Variants in LIMCH1 observed in about 807,000 individuals in gnomAD.
LIMCH1 encodes LIM and calponin homology domains 1.
LIMCH1 carries 113 observed loss-of-function variants against 176.5 expected under a neutral mutation model. The observed-to-expected ratio is 0.64, with a 90% confidence interval of 0.55 to 0.75. LIMCH1 has a LOEUF of 0.75. Ranked by LOEUF, LIMCH1 falls within the 30% of genes least tolerant of loss-of-function variation. The pLI is 0.00. For synonymous variants in LIMCH1, 619 were observed against 645.9 expected (o/e 0.96, Z 0.63); for missense variants, 1,674 against 1,814.9 (o/e 0.92, Z 1.41).
At chr4:41,408,991 C>G (rs1036744823) in intron 1 of LIMCH1, among the ~76,000 whole-genome samples, 3 of 152,162 alleles carry the variant, frequency 2.0e-5, no homozygotes, top group African/African-American at 4.8e-5. Flanking sequence ...TTATTTGCAG[C>G]TATATCCTGA....
At chr4:41,362,975 C>T (rs993037432) in intron 1 of LIMCH1, among the ~76,000 whole-genome samples, 1 of 152,136 alleles carries the variant, frequency 6.6e-6, no homozygotes, top group African/African-American at 2.4e-5. Flanking sequence ...GCTTTAGGAC[C>T]AGGCAGCCCA....
intron 1 of LIMCH1, among the ~76,000 whole-genome samples, chr4:41,371,612 T>G (rs1164447481): frequency 6.7e-6 from 1 of 149,336 alleles, no homozygotes; most frequent in Non-Finnish European, 1.5e-5. Flanking sequence ...GGTATTCTGT[T>G]TAGTCTTTGT....
At position 41,671,058 on chromosome 4, in the gene LIMCH1, T is replaced by TAAAA. The variant is rs76648075; in HGVS notation, c.3398-484_3398-481dup. The TAAAA allele has an allele frequency of 1.2e-3, 755 of 611,952 alleles. 1 individual carries two copies. Among genetic ancestry groups the TAAAA allele is most frequent in the South Asian group, 2.2e-3 (30 of 13,336 alleles). 37.9% of individuals were successfully genotyped at this position (611,952 alleles called of 1,614,324 possible). ...CATTTTCTTGAGAGTCCCCTGCCTT[T>TAAAA]AAAAAAAAAAAAAAAGATTAAAAGC... On this transcript the variant is annotated intron_variant, in intron 21 of 31. Transcript: ENST00000503057.
chr4:41,641,983 T>C (rs1272056648), intron 14 of LIMCH1, among the ~76,000 whole-genome samples: 1 of 152,178 alleles, frequency 6.6e-6, no homozygotes, highest in Non-Finnish European at 1.5e-5. Flanking sequence ...AGGTAATTCT[T>C]AAGGTCTGCT....
At chr4:41,643,859 T>C (rs941776944) in intron 14 of LIMCH1, among the ~76,000 whole-genome samples, 1 of 152,122 alleles carries the variant, frequency 6.6e-6, no homozygotes, top group Non-Finnish European at 1.5e-5. Context: ...TTACAAGAAA[T>C]AAAAAGAAAT....
At chr4:41,581,805 C>CAAAAAAAA (rs56150312) in intron 1 of LIMCH1, among the ~76,000 whole-genome samples, 18 of 76,176 alleles carry the variant, frequency 2.4e-4, no homozygotes, top group Admixed American at 7.1e-4. Flanking sequence ...GACTCTGTCT[C>CAAAAAAAA]AAAAAAAAAA....
intron 1 of LIMCH1, among the ~76,000 whole-genome samples, chr4:41,423,825 G>A (rs1293744668): frequency 1.3e-5 from 2 of 152,152 alleles, no homozygotes; most frequent in South Asian, 2.1e-4. Flanking sequence ...GGGAAAGTAA[G>A]TGTTTAATAT....
At chr4:41,687,540 G>A (rs775269789) in intron 28 of LIMCH1, among the ~76,000 whole-genome samples, 5 of 151,956 alleles carry the variant, frequency 3.3e-5, no homozygotes, top group East Asian at 1.9e-4. Flanking sequence ...CAATTTTAGC[G>A]AATGAAGAAA....
intron 8 of LIMCH1, 85 bp from the exon 9 acceptor site, chr4:41,629,407 T>G: frequency 2.1e-6 from 3 of 1,456,344 alleles, no homozygotes; most frequent in Middle Eastern, 3.5e-4. Flanking sequence ...GCCTGTGAGT[T>G]TCCATGCTTG....
chr4:41,409,168 G>C (rs78089582), intron 1 of LIMCH1, among the ~76,000 whole-genome samples: 2,883 of 152,162 alleles, frequency 0.019, 91 homozygotes, highest in African/African-American at 0.065. Context: ...CTGAAGTGTT[G>C]CCAGGGCTTG....
Position 41,632,983 on chromosome 4 carries a change from C to T in LIMCH1, c.1727C>T (p.Ser576Phe). The T allele has an allele frequency of 6.5e-7, 1 of 1,535,912 alleles. No individual in the cohort carries two copies. The highest frequency in any genetic ancestry group is 8.7e-7 in the Non-Finnish European group (1 of 1,146,738). Residue 576 changes from serine (S) to phenylalanine (F), a missense_variant, in exon 12 of 32, where the codon TCC (serine) becomes TTC (phenylalanine). Physicochemically the swap from Ser to Phe is radical, Grantham distance 155. This residue lies in a region of LIMCH1 where 1,015 missense variants were observed against 1,102.5 expected (regional missense o/e 0.92). Transcript: ENST00000503057. Reference sequence around the variant, plus strand: ...CTGTCCTCTCTGGCTTTAGTTACATCCAAACAGCTGCCACAGGATGGCAAA... The same window carrying T: ...CTGTCCTCTCTGGCTTTAGTTACATTCAAACAGCTGCCACAGGATGGCAAA... ...ECPRGTEEVT[S>F]KQLPQDGKEE... is the part of the protein sequence containing the mutation.
chr4:41,392,515 G>T (rs1490042793), intron 1 of LIMCH1, among the ~76,000 whole-genome samples: 1 of 152,190 alleles, frequency 6.6e-6, no homozygotes, highest in Non-Finnish European at 1.5e-5. Flanking sequence ...AACAGCAAGG[G>T]ATGCTGTTTG....
chr4:41,557,673 A>C (rs978870373), intron 1 of LIMCH1, among the ~76,000 whole-genome samples: 1 of 152,018 alleles, frequency 6.6e-6, no homozygotes, highest in African/African-American at 2.4e-5. Flanking sequence ...CTAGAAATTT[A>C]AGGTGATGAG....
intron 13 of LIMCH1, 72 bp from the exon 14 acceptor site, chr4:41,638,860 T>G (rs938796113): frequency 3.9e-6 from 5 of 1,295,486 alleles, no homozygotes; most frequent in Non-Finnish European, 5.6e-6. Context: ...ACCGGCAGTT[T>G]CTATTTCCAG....
At chr4:41,550,542 T>A (rs998149030) in intron 1 of LIMCH1, among the ~76,000 whole-genome samples, 1 of 152,078 alleles carries the variant, frequency 6.6e-6, no homozygotes, top group African/African-American at 2.4e-5. Context: ...GTTTCCTTGT[T>A]TTTTATTGTT....
intron 1 of LIMCH1, among the ~76,000 whole-genome samples, chr4:41,375,492 C>T (rs1424879137): frequency 6.6e-6 from 1 of 152,200 alleles, no homozygotes; most frequent in African/African-American, 2.4e-5. Context: ...CACTGAATTA[C>T]TGTAACTTTA....
chr4:41,616,365 T>C (rs2092073738), intron 5 of LIMCH1, among the ~76,000 whole-genome samples: 1 of 151,776 alleles, frequency 6.6e-6, no homozygotes, highest in East Asian at 1.9e-4. Context: ...CCATCTCTAC[T>C]AAAAATACAA....
At chr4:41,392,796 C>T (rs1381534717) in intron 1 of LIMCH1, among the ~76,000 whole-genome samples, 2 of 152,030 alleles carry the variant, frequency 1.3e-5, no homozygotes, top group Non-Finnish European at 2.9e-5. Context: ...TGTGGGAGGC[C>T]GAGGCAGGTG....
intron 18 of LIMCH1, among the ~76,000 whole-genome samples, chr4:41,652,727 T>G (rs1417004773): frequency 6.6e-6 from 1 of 152,214 alleles, no homozygotes; most frequent in African/African-American, 2.4e-5. Flanking sequence ...ATTGATTACA[T>G]ATCCCCCAAA....
Sources: gnomAD v4.1 joint callset for allele counts (sites outside exome capture counted in the v4.1 genomes callset) on GRCh38, gnomAD v4.1.1 for gene constraint, gnomAD v4.1.1 regional missense constraint, MANE v1.5 for transcripts, NCBI Gene and HGNC (gene_info 2026-07-23, HGNC 2026-07-21) for gene names.